PLA2G4F: variants seen among roughly 807,000 people sequenced by gnomAD.
PLA2G4F encodes the protein cytosolic phospholipase A2 zeta.
In PLA2G4F, 105 loss-of-function variants were observed where a neutral mutation model predicts 103.1. The observed-to-expected ratio is 1.02, with a 90% confidence interval of 0.87 to 1.20. The LOEUF (loss-of-function observed/expected upper bound fraction) is 1.20. Ranked by LOEUF, PLA2G4F falls within the 50% of genes most tolerant of loss-of-function variation. The pLI, the probability that PLA2G4F is intolerant of heterozygous loss-of-function variation, is 0.00. For missense variants in PLA2G4F, 1,155 were observed against 1,075.9 expected, an observed-to-expected ratio of 1.07 and a Z score of -1.03; for synonymous variants, 468 against 441.1, an observed-to-expected ratio of 1.06 and a Z score of -0.76.
Position 42,154,464 on chromosome 15 carries a change from G to A in PLA2G4F, c.185-6C>T, listed in dbSNP as rs1356288268. On this transcript the variant is annotated splice_polypyrimidine_tract_variant and splice_region_variant and intron_variant, in intron 2 of 19. Coordinates refer to ENST00000397272, the MANE Select transcript of PLA2G4F (RefSeq NM_213600.4). ...ATAGCAGTCGGCTTTGGACACTGCA[G>A]GTAGGACAGGGAGGGGCCGGGGCCT... 3 of 1,562,930 alleles carry A rather than the reference G, an allele frequency of 1.9e-6. No individual in the cohort carries two copies. Among genetic ancestry groups the A allele is most frequent in the Non-Finnish European group, 2.6e-6 (3 of 1,151,998 alleles).
chr15:42,148,600 G>C (rs1429030217), intron 11 of PLA2G4F: 1 of 980,844 alleles, frequency 1.0e-6, no homozygotes, highest in African/African-American at 1.8e-5. Flanking sequence ...CGGTGGGGAG[G>C]AACTAAATTG....
rs149766220 is a variant in PLA2G4F, at chr15:42,150,662, T to A, written c.717A>T (p.Pro239=). ...CCACGTGTAGCCTGGAGCTCAGCAC[T>A]GGGTTCACGTGGAAGGTAAAGGTGG... ...LPPTFTFHVN[P]VLSSRLHVEL... is the part of the protein sequence containing the mutation. The change falls in exon 8 of 20, where the codon CCA becomes CCT. Residue 239 remains proline (P), a synonymous_variant. Transcript: ENST00000397272. 2 of 1,613,596 alleles carry A rather than the reference T, an allele frequency of 1.2e-6. No homozygotes were observed. The highest frequency in any genetic ancestry group is 1.7e-6 in the Non-Finnish European group (2 of 1,179,892).
chr15:42,147,277 G>A lies in PLA2G4F; in HGVS notation c.1266C>T (p.Ala422=), dbSNP rs1464474647. The stretch of plus-strand genomic sequence containing the variant: ...TCTTACTGCTGCAGACGTGAACCTG[G>A]GCACGCTCAATGGGGCCCTGCAAGG... ...QVALQGPIER[A]QVHVCSSKMG... The change falls in exon 13 of 20, where the codon GCC becomes GCT. Residue 422 remains alanine, a synonymous_variant. Transcript: ENST00000397272. The A allele has an allele frequency of 1.2e-6, 2 of 1,611,532 alleles. No individual in the cohort carries two copies. The highest frequency in any genetic ancestry group is 1.7e-5 in the Admixed American group (1 of 60,008).
chr15:42,150,805 G>A (rs556931435), intron 7 of PLA2G4F, 28 bp from the exon 8 acceptor site: 8 of 1,593,534 alleles, frequency 5.0e-6, no homozygotes, highest in East Asian at 2.3e-5. Flanking sequence ...AGGTGGGTGC[G>A]CAGGTGAGGG....
At position 42,142,024 on chromosome 15, in the gene PLA2G4F, G is replaced by C; in HGVS notation, c.2510C>G (p.Ala837Gly). The change falls in exon 20 of 20, where the codon GCT (alanine) becomes GGT (glycine). Residue 837 changes from alanine (A) to glycine (G), a missense_variant. Around this residue, in one of 3 missense-constraint regions of PLA2G4F, gnomAD observed 782 missense variants for 692.9 expected, o/e 1.13. Coordinates refer to ENST00000397272, the MANE Select transcript of PLA2G4F (RefSeq NM_213600.4). The stretch of plus-strand genomic sequence containing the variant: ...CTCCCGAGCCTGGTGCCGGTCCAGA[G>C]CCAGCTGGAGGGCGCACTTCAAGGT... Reference protein sequence around the residue: ...VETLKCALQLALDRHQARERA... With the variant: ...VETLKCALQLGLDRHQARERA... The C allele has an allele frequency of 6.2e-7, 1 of 1,614,130 alleles. No individual in the cohort carries two copies. The highest frequency in any genetic ancestry group is 8.5e-7 in the Non-Finnish European group (1 of 1,180,028).
chr15:42,154,524 G>C (rs2048993040), intron 2 of PLA2G4F, 66 bp from the exon 3 acceptor site: 2 of 1,474,396 alleles, frequency 1.4e-6, no homozygotes, highest in South Asian at 2.8e-5. Context: ...TCCTTGGGGA[G>C]GCTAGGGCAG....
In PLA2G4F at chr15:42,154,350, A is replaced by G. The variant is rs763433063; in HGVS notation, c.293T>C (p.Phe98Ser). Residue 98 changes from phenylalanine (F) to serine (S), a missense_variant, in exon 3 of 20, where the codon TTC (phenylalanine) becomes TCC (serine). This residue lies in a region of PLA2G4F where 370 missense variants were observed against 364.9 expected (regional missense o/e 1.01). Coordinates refer to ENST00000397272, the MANE Select transcript of PLA2G4F (RefSeq NM_213600.4). Reference protein sequence around the residue: ...NCSDPEWNETFHYQIHGAVKN... With the variant: ...NCSDPEWNETSHYQIHGAVKN... ...CACAGCACCATGGATCTGGTAGTGG[A>G]AGGTCTCATTCCACTCGGGGTCACT... The G allele has an allele frequency of 1.9e-6, 3 of 1,610,462 alleles. No individual in the cohort carries two copies. Among genetic ancestry groups the G allele is most frequent in the African/African-American group, 1.3e-5 (1 of 74,906 alleles).
In PLA2G4F at chr15:42,142,750, C is replaced by T. The variant is rs763358624; in HGVS notation, c.2143-36G>A. On this transcript the variant is annotated intron_variant, in intron 18 of 19. Transcript: ENST00000397272. ...GCAAGCCTCTGACTCTGCCTTTCCT[C>T]CACCCTGGCCACTCCCGCCGCCCTG... 3 of 1,607,862 alleles carry T rather than the reference C, an allele frequency of 1.9e-6. No homozygotes were observed. The South Asian group carries it at 3.3e-5, about 18-fold the overall frequency.
rs377710099 is a variant in PLA2G4F at position 42,154,114 on chromosome 15, T to C, written c.428A>G (p.His143Arg). The change falls in exon 4 of 20, where the codon CAC (histidine) becomes CGC (arginine). Residue 143 changes from histidine to arginine, a missense_variant. Coordinates refer to ENST00000397272, the MANE Select transcript of PLA2G4F (RefSeq NM_213600.4). ...CACCTGGTGGTTGAGTGGGAAGGTG[T>C]GTTTGTGAGGTTGGCCACACTTGAG... ...RSLKCGQPHK[H>R]TFPLNHQDSQ... The C allele has an allele frequency of 5.0e-5, 81 of 1,614,050 alleles. No homozygotes were observed. The highest frequency in any genetic ancestry group is 6.0e-5 in the Non-Finnish European group (71 of 1,180,046).
chr15:42,147,416 T>G, intron 12 of PLA2G4F, 70 bp from the exon 13 acceptor site: 5 of 1,480,304 alleles, frequency 3.4e-6, no homozygotes, highest in Non-Finnish European at 4.6e-6. Context: ...GTGCAGAGTC[T>G]GTGAGTGGCC....
In PLA2G4F at chr15:42,153,602, G is replaced by T; in HGVS notation, c.491+18C>A. The stretch of plus-strand genomic sequence containing the variant: ...AAATCTCTGAGTCTCTGAGGGCGTT[G>T]GCTCTACCAGAACTCACCTCTTCTC... On this transcript the variant is annotated intron_variant, in intron 5 of 19. Coordinates refer to ENST00000397272, the MANE Select transcript of PLA2G4F (RefSeq NM_213600.4). The T allele has an allele frequency of 6.2e-7, 1 of 1,613,996 alleles. No individual in the cohort carries two copies. The highest frequency in any genetic ancestry group is 8.5e-7 in the Non-Finnish European group (1 of 1,179,856).
intron 18 of PLA2G4F, 124 bp from the exon 19 acceptor site, chr15:42,142,838 A>G: frequency 1.0e-6 from 1 of 990,342 alleles, no homozygotes; most frequent in Non-Finnish European, 1.5e-6. Flanking sequence ...GACTTCAGGC[A>G]GGTGACAGCT....
chr15:42,141,803 C>G lies in PLA2G4F; in HGVS notation c.*181G>C. The G allele has an allele frequency of 1.5e-6, 1 of 645,526 alleles. No individual in the cohort carries two copies. The highest frequency in any genetic ancestry group is 2.7e-6 in the Non-Finnish European group (1 of 368,952). 40.0% of individuals were successfully genotyped at this position (645,526 alleles called of 1,614,324 possible). A position where few individuals can be genotyped will look rare whatever the true frequency, so the allele number is the denominator to read the frequency against. On this transcript the variant is annotated 3_prime_UTR_variant, in exon 20 of 20. Transcript: ENST00000397272. The stretch of plus-strand genomic sequence containing the variant: ...CTTCTCCAAAAACACACAAGGAGAG[C>G]CCTGCCCCAGTCCAAGCTGCAATTC...
intron 7 of PLA2G4F, among the ~76,000 whole-genome samples, chr15:42,152,159 T>A (rs902328672): frequency 6.6e-6 from 1 of 152,146 alleles, no homozygotes; most frequent in African/African-American, 2.4e-5. Context: ...TGACTTCAGC[T>A]CCTCCCGCTA....
At chr15:42,147,843 T>G in intron 11 of PLA2G4F, 81 bp from the exon 12 acceptor site, 1 of 1,557,682 alleles carries the variant, frequency 6.4e-7, no homozygotes, top group Non-Finnish European at 8.7e-7. Context: ...TAGGACATTA[T>G]TCTAAGAGTC....
At position 42,145,629 on chromosome 15, in the gene PLA2G4F, C is replaced by G. The variant is rs756978853; in HGVS notation, c.1726G>C (p.Ala576Pro). ...TCCAGGAAGCTGAGGCCCGAGCCGG[C>G]GGTCTTTAGGAAGATCTCATCCAGG... ...TSLDEIFLKT[A>P]GSGLSFLEWY... The change falls in exon 16 of 20, where the codon GCC (alanine) becomes CCC (proline). Residue 576 changes from alanine to proline, a missense_variant. Physicochemically the swap from Ala to Pro is conservative, Grantham distance 27. Coordinates refer to ENST00000397272, the MANE Select transcript of PLA2G4F (RefSeq NM_213600.4). 6.2e-7 allele frequency: 1 copy of G among 1,614,122 alleles called. No homozygotes were observed. Among genetic ancestry groups the G allele is most frequent in the Non-Finnish European group, 8.5e-7 (1 of 1,180,018 alleles).
Position 42,154,331 on chromosome 15 carries a change from A to G in PLA2G4F, c.312T>C (p.Gly104=). 1.9e-6 allele frequency: 3 copies of G among 1,608,900 alleles called. No individual in the cohort carries two copies. Among genetic ancestry groups the G allele is most frequent in the Non-Finnish European group, 2.6e-6 (3 of 1,176,412 alleles). The change falls in exon 3 of 20, where the codon GGT becomes GGC. Residue 104 remains glycine, a synonymous_variant. Transcript: ENST00000397272. ...WNETFHYQIH[G]AVKNVLELTL... The stretch of plus-strand genomic sequence containing the variant: ...CCTGGCTGGCCCTCACCTTCACAGC[A>G]CCATGGATCTGGTAGTGGAAGGTCT...
Position 42,147,676 on chromosome 15 carries a change from G to T in PLA2G4F, c.1146C>A (p.Leu382=). 1 of 1,614,032 alleles carries T rather than the reference G, an allele frequency of 6.2e-7. No individual in the cohort carries two copies. The highest frequency in any genetic ancestry group is 8.5e-7 in the Non-Finnish European group (1 of 1,180,000). The stretch of plus-strand genomic sequence containing the variant: ...GGTAGGTCACAGTGTCTAGAAGGCC[G>T]AGCTCCTGCAACCCTGCCAGGCTGC... The part of the protein sequence containing the change: ...LYGSLAGLQE[L]GLLDTVTYLS... Residue 382 remains leucine (L), a synonymous_variant, in exon 12 of 20, where the codon CTC becomes CTA. Coordinates refer to ENST00000397272, the MANE Select transcript of PLA2G4F (RefSeq NM_213600.4).
At position 42,150,687 on chromosome 15, in the gene PLA2G4F, GGTGGGAGGCCTGGCTCT is replaced by G; in HGVS notation, c.675_691del (p.Glu226HisfsTer88). 1.9e-6 allele frequency: 3 copies of G among 1,613,832 alleles called. No individual in the cohort carries two copies. Among genetic ancestry groups the G allele is most frequent in the Non-Finnish European group, 2.5e-6 (3 of 1,179,940 alleles). On this transcript the variant is annotated frameshift_variant, in exon 8 of 20. Transcript: ENST00000397272. LOFTEE classifies it high-confidence loss of function. ...TGGGTTCACGTGGAAGGTAAAGGTG[GGTGGGAGGCCTGGCTCT>G]GTGGGAGGCTGCAGGGGCAAGAGCT...
Sources: gnomAD v4.1 joint callset for allele counts (sites outside exome capture counted in the v4.1 genomes callset) on GRCh38, gnomAD v4.1.1 for gene constraint, gnomAD v4.1.1 regional missense constraint, MANE v1.5 for transcripts, NCBI Gene and HGNC (gene_info 2026-07-23, HGNC 2026-07-21) for gene names.